DGKD: variants seen among roughly 807,000 people sequenced by gnomAD.
The protein encoded by DGKD is DAG kinase delta.
DGKD carries 68 observed loss-of-function variants against 154.4 expected under a neutral mutation model. The observed-to-expected ratio is 0.44, with a 90% confidence interval of 0.36 to 0.54. The LOEUF is 0.54. DGKD is among the 20% of genes least tolerant of loss of function. DGKD has a pLI of 0.00. For missense variants in DGKD, 1,343 were observed against 1,593.6 expected (o/e 0.84, Z 2.68); for synonymous variants, 693 against 638.0 (o/e 1.09, Z -1.30).
chr2:233,460,017 T>C, intron 23 of DGKD, 126 bp downstream of exon 23: 1 of 1,446,640 alleles, frequency 6.9e-7, no homozygotes, highest in Non-Finnish European at 9.1e-7. Flanking sequence ...TAAGACACAA[T>C]GATTAAGCTA....
intron 1 of DGKD, among the ~76,000 whole-genome samples, chr2:233,367,164 C>T (rs1001136249): frequency 4.0e-5 from 6 of 151,756 alleles, no homozygotes; most frequent in African/African-American, 9.7e-5. Context: ...TCTCTCTTCC[C>T]GTTCCCTACC....
In DGKD at chr2:233,447,768, C is replaced by G; in HGVS notation, c.1420-319C>G. The G allele has an allele frequency of 2.7e-6, 3 of 1,116,346 alleles. No homozygotes were observed. In the South Asian group the frequency reaches 7.3e-5, roughly 27 times the overall value. The allele number at this position is 1,116,346 out of a possible 1,614,324, so 69.2% of individuals were successfully genotyped here. On this transcript the variant is annotated intron_variant, in intron 12 of 29. Coordinates refer to ENST00000264057, the MANE Select transcript of DGKD (RefSeq NM_152879.3). Reference sequence around the variant, plus strand: ...CCCAAACCTGGAGCCGACCCGCCAGCATGCCGCTGTCAGGATGAGTAGGGG... The same window carrying G: ...CCCAAACCTGGAGCCGACCCGCCAGGATGCCGCTGTCAGGATGAGTAGGGG...
In DGKD at chr2:233,441,875, T is replaced by G. The variant is rs1575127914; in HGVS notation, c.1086-12T>G. 1 of 1,610,866 alleles carries G rather than the reference T, an allele frequency of 6.2e-7. No individual in the cohort carries two copies. Among genetic ancestry groups the G allele is most frequent in the Middle Eastern group, 1.7e-4 (1 of 6,054 alleles). On this transcript the variant is annotated splice_polypyrimidine_tract_variant and intron_variant, in intron 9 of 29. Coordinates refer to ENST00000264057, the MANE Select transcript of DGKD (RefSeq NM_152879.3). This position sits in a 1 kb window ranked among gnomAD's most constrained non-coding sequence, Gnocchi z 5.6. ...TGGATGTCATTTCACGGCCTTTCTC[T>G]TTTCTCTGCAGCTTACGGTTATTCC... is the stretch of plus-strand genomic sequence containing the variant.
chr2:233,436,659 T>C (rs544654041), intron 7 of DGKD, among the ~76,000 whole-genome samples: 67 of 152,404 alleles, frequency 4.4e-4, no homozygotes, highest in Non-Finnish European at 8.1e-4. Context: ...TTTAGACATA[T>C]GCAGATGTGT....
chr2:233,437,826 A>G (rs755442447), intron 8 of DGKD, among the ~76,000 whole-genome samples: 4 of 152,208 alleles, frequency 2.6e-5, no homozygotes, highest in Admixed American at 6.5e-5. Context: ...GTCATGAGCC[A>G]TTGAAGCTGT....
At chr2:233,407,405 T>A (rs1346456053) in intron 3 of DGKD, among the ~76,000 whole-genome samples, 2 of 152,210 alleles carry the variant, frequency 1.3e-5, no homozygotes, top group Non-Finnish European at 2.9e-5. Flanking sequence ...TAATTTAACA[T>A]ATAAGATGCC....
At chr2:233,383,459 G>A (rs1703005831) in intron 1 of DGKD, among the ~76,000 whole-genome samples, 1 of 152,064 alleles carries the variant, frequency 6.6e-6, no homozygotes, top group African/African-American at 2.4e-5. Context: ...TGTCTTTGAT[G>A]AGCAGAAATT....
At chr2:233,435,124 G>A (rs1314149193) in intron 5 of DGKD, among the ~76,000 whole-genome samples, 1 of 152,196 alleles carries the variant, frequency 6.6e-6, no homozygotes, top group Admixed American at 6.5e-5. Context: ...GGAAGTGGTG[G>A]GTGGCAAAAG....
At chr2:233,447,844 A>C in intron 12 of DGKD, 2 of 1,337,486 alleles carry the variant, frequency 1.5e-6, no homozygotes, top group Non-Finnish European at 1.9e-6. Context: ...AGACTGAAGG[A>C]GATTCATTTG....
intron 3 of DGKD, among the ~76,000 whole-genome samples, chr2:233,431,600 C>T (rs1052347806): frequency 2.6e-5 from 4 of 152,174 alleles, no homozygotes; most frequent in Non-Finnish European, 4.4e-5. Context: ...CTAACCCAAA[C>T]GGCGTGGTAC....
At chr2:233,373,325 T>C (rs1702415832) in intron 1 of DGKD, among the ~76,000 whole-genome samples, 1 of 152,242 alleles carries the variant, frequency 6.6e-6, no homozygotes, top group Non-Finnish European at 1.5e-5. Flanking sequence ...TCTTATGATA[T>C]TGTGGGTCGG....
chr2:233,410,748 A>G (rs937142353), intron 3 of DGKD, among the ~76,000 whole-genome samples: 1 of 152,178 alleles, frequency 6.6e-6, no homozygotes, highest in African/African-American at 2.4e-5. Flanking sequence ...GCAGTATTTA[A>G]GGTGTACAGT....
intron 1 of DGKD, among the ~76,000 whole-genome samples, chr2:233,380,538 A>AC (rs1235507411): frequency 6.6e-6 from 1 of 151,714 alleles, no homozygotes. Context: ...CTACCTCCCC[A>AC]CCCCCAACAG....
chr2:233,461,290 T>C (rs1343298039), intron 24 of DGKD, among the ~76,000 whole-genome samples: 1 of 152,248 alleles, frequency 6.6e-6, no homozygotes, highest in African/African-American at 2.4e-5. Context: ...GGGCTCCTTC[T>C]TCTCCTGGCT....
intron 3 of DGKD, among the ~76,000 whole-genome samples, chr2:233,410,450 G>A (rs997165758): frequency 6.6e-6 from 1 of 152,064 alleles, no homozygotes; most frequent in South Asian, 2.1e-4. Flanking sequence ...AAAACTTGAT[G>A]GTTTGCTTTA....
chr2:233,442,039 G>C (rs371106768), intron 10 of DGKD, 44 bp downstream of exon 10: 65 of 1,512,474 alleles, frequency 4.3e-5, no homozygotes, highest in Non-Finnish European at 5.4e-5. Context: ...GAGAGGGTGC[G>C]GAGGTTAGAG....
At chr2:233,418,003 A>G (rs1005508365) in intron 3 of DGKD, among the ~76,000 whole-genome samples, 10 of 152,234 alleles carry the variant, frequency 6.6e-5, no homozygotes, top group Non-Finnish European at 1.5e-5. Context: ...ATATGGACAG[A>G]TAGTTATGGG....
rs1416182908 is a variant in DGKD, at chr2:233,436,352, C to T, written c.730C>T (p.Pro244Ser). Residue 244 changes from proline to serine, a missense_variant, in exon 7 of 30, where the codon CCT becomes TCT. This residue lies in a region of DGKD where 332 missense variants were observed against 400.1 expected (regional missense o/e 0.83). Transcript: ENST00000264057. The part of the protein sequence containing the change: ...MPHQWLEGNL[P>S]VSAKCTVCDK... ...CCACCAGTGGTTGGAAGGAAACCTA[C>T]CTGTGAGCGCCAAGTGCACTGTGTG... 1 of 1,614,252 alleles carries T rather than the reference C, an allele frequency of 6.2e-7. No individual in the cohort carries two copies. The highest frequency in any genetic ancestry group is 8.5e-7 in the Non-Finnish European group (1 of 1,180,052).
intron 3 of DGKD, among the ~76,000 whole-genome samples, chr2:233,397,534 CT>C (rs1302022431): frequency 1.3e-3 from 1 of 790 alleles, no homozygotes; most frequent in Non-Finnish European, 3.0e-3. Flanking sequence ...ACCAGGGTGG[CT>C]GGGGGGGGGG....
Sources: allele counts gnomAD v4.1 joint callset (sites outside exome capture counted in the v4.1 genomes callset), GRCh38; gene constraint gnomAD v4.1.1; regional missense constraint gnomAD v4.1.1; non-coding constraint Gnocchi (gnomAD v3.1); transcripts MANE v1.5; gene names NCBI Gene and HGNC (gene_info 2026-07-23, HGNC 2026-07-21).